TNS1: variants seen among roughly 807,000 people sequenced by gnomAD.
The protein encoded by TNS1 is tensin-1.
Under a neutral mutation model 168.6 loss-of-function variants are expected in TNS1, and 62 were observed. The ratio of observed to expected loss-of-function variants is 0.37; its 90% CI spans 0.30 to 0.45. The LOEUF is 0.45. Among genes scored for constraint, TNS1 ranks in the 20% least tolerant of loss-of-function variants. The probability of loss-of-function intolerance (pLI) is 1.00; values close to 1 mark genes in which losing one functional copy is unlikely to be tolerated. For missense variants in TNS1, 2,240 were observed against 2,339.4 expected, an observed-to-expected ratio of 0.96 and a Z score of 0.88; for synonymous variants, 934 against 933.2, an observed-to-expected ratio of 1.00 and a Z score of -0.02.
At chr2:217,953,214 C>T (rs947578847) in intron 3 of TNS1, among the ~76,000 whole-genome samples, 1 of 152,294 alleles carries the variant, frequency 6.6e-6, no homozygotes, top group African/African-American at 2.4e-5. Flanking sequence ...GCAGCACAGT[C>T]CTGCCCTCCA....
intron 18 of TNS1, among the ~76,000 whole-genome samples, chr2:217,867,905 T>C (rs1222929470): frequency 6.6e-6 from 1 of 152,262 alleles, no homozygotes; most frequent in African/African-American, 2.4e-5. Context: ...CAATCACCCT[T>C]ACTCTGCTCC....
rs1947280869 is a variant in TNS1, at chr2:217,850,265, G to C, written c.1430-1178C>G. ...CCAAGCCAACAGTCCCTGTGCCAGA[G>C]GGGACACGCTTTTCCTATGCTGGAG... On this transcript the variant is annotated intron_variant, in intron 18 of 32. Coordinates refer to ENST00000682258, the MANE Select transcript of TNS1 (RefSeq NM_001387777.1). 8.1e-6 allele frequency: 8 copies of C among 985,280 alleles called. No homozygotes were observed. The South Asian group carries it at 3.3e-4, about 41-fold the overall frequency. 61.0% of individuals were successfully genotyped at this position (985,280 alleles called of 1,614,324 possible).
Position 217,884,322 on chromosome 2 carries a change from AATGG to A in TNS1, c.1246+709_1246+712del, listed in dbSNP as rs367767487. The stretch of plus-strand genomic sequence containing the variant: ...AGATGGATGGACAGACGGATGGATG[AATGG>A]ATGGATGGATGGATGGATGTGTGTA... On this transcript the variant is annotated intron_variant, in intron 16 of 32. Transcript: ENST00000682258. Among the ~76,000 whole-genome samples the A allele has an allele frequency of 1.8e-3, 265 of 151,218 alleles. 4 individuals are homozygous for A. In the South Asian group the frequency reaches 0.042, roughly 24 times the overall value.
chr2:218,016,383 T>G (rs1178163118), intron 1 of TNS1, among the ~76,000 whole-genome samples: 1 of 151,918 alleles, frequency 6.6e-6, no homozygotes, highest in Non-Finnish European at 1.5e-5. Context: ...GATTATCAGG[T>G]CCCCGCCCAC....
intron 18 of TNS1, chr2:217,858,505 G>A: frequency 1.0e-6 from 1 of 986,028 alleles, no homozygotes; most frequent in Non-Finnish European, 1.2e-6. Context: ...CTGGAGGGAG[G>A]GAGGGAGAGG....
intron 30 of TNS1, 143 bp downstream of exon 30, chr2:217,809,680 G>T (rs1940454661): frequency 2.4e-6 from 2 of 838,000 alleles, no homozygotes; most frequent in African/African-American, 3.4e-5. Context: ...TAGATGGGAG[G>T]TAGATGCAAG....
chr2:217,940,751 C>T (rs531176648), intron 3 of TNS1, among the ~76,000 whole-genome samples: 3 of 152,258 alleles, frequency 2.0e-5, no homozygotes, highest in East Asian at 3.9e-4. Context: ...CAGGCATCCA[C>T]AGAGGGGCTG....
intron 1 of TNS1, among the ~76,000 whole-genome samples, chr2:217,992,849 C>A (rs951095557): frequency 1.3e-5 from 2 of 152,080 alleles, no homozygotes; most frequent in African/African-American, 4.8e-5. Context: ...CAGGAGCTCC[C>A]AAAGGCCAAA....
At chr2:217,809,522 TA>T (rs1940316667) in intron 30 of TNS1, among the ~76,000 whole-genome samples, 60 of 55,190 alleles carry the variant, frequency 1.1e-3, no homozygotes, top group Middle Eastern at 0.012. Context: ...GATGGATGGA[TA>T]GGTGCATGGA....
intron 11 of TNS1, 59 bp downstream of exon 11, chr2:217,892,889 A>C (rs1302088584): frequency 6.4e-7 from 1 of 1,562,292 alleles, no homozygotes; most frequent in Non-Finnish European, 8.8e-7. Context: ...TGGGTGGATG[A>C]GAGGAGGGGG....
Position 217,863,569 on chromosome 2 carries a change from T to TC in TNS1, c.1430-14483dup, listed in dbSNP as rs547394586. ...GAGCCTGGGGTGTAATAGACCGATC[T>TC]CCGAACTAAGACTCAAGAGTCTTGG... is the stretch of plus-strand genomic sequence containing the variant. On this transcript the variant is annotated intron_variant, in intron 18 of 32. Transcript: ENST00000682258. Among the ~76,000 whole-genome samples the TC allele has an allele frequency of 4.9e-4, 75 of 152,186 alleles. No homozygotes were observed. In the East Asian group the frequency reaches 9.3e-3, roughly 19 times the overall value.
At position 217,848,587 on chromosome 2, in the gene TNS1, G is replaced by A. The variant is rs1356442802; in HGVS notation, c.1930C>T (p.Leu644Phe). ...DGHSAGSMGT[L>F]SSLDGVTNTS... ...TTGGTGACCCCGTCCAGAGAAGAGA[G>A]TGTGCCCATGCTGCCCGCACTGTGA... The change falls in exon 19 of 33, where the codon CTC (leucine) becomes TTC (phenylalanine). Residue 644 changes from leucine (L) to phenylalanine (F), a missense_variant. Physicochemically the swap from Leu to Phe is conservative, Grantham distance 22. Around this residue, in one of 2 missense-constraint regions of TNS1, gnomAD observed 2,131 missense variants for 2,171.2 expected, o/e 0.98. Transcript: ENST00000682258. 1.2e-6 allele frequency: 2 copies of A among 1,614,202 alleles called. No homozygotes were observed. Among genetic ancestry groups the A allele is most frequent in the South Asian group, 1.1e-5 (1 of 91,084 alleles).
chr2:217,960,672 C>T (rs1957474194), intron 3 of TNS1, among the ~76,000 whole-genome samples: 1 of 152,176 alleles, frequency 6.6e-6, no homozygotes, highest in African/African-American at 2.4e-5. Context: ...CCCCGCCCAA[C>T]ACAACCATTT....
intron 18 of TNS1, chr2:217,858,612 A>T (rs1314099479): frequency 1.0e-6 from 1 of 982,436 alleles, no homozygotes; most frequent in Admixed American, 6.2e-5. Flanking sequence ...TCTGTGTCCT[A>T]CTCAAGCTCC....
At chr2:217,973,073 G>A (rs967027374) in intron 3 of TNS1, among the ~76,000 whole-genome samples, 1 of 152,162 alleles carries the variant, frequency 6.6e-6, no homozygotes, top group Admixed American at 6.5e-5. Context: ...TGGAAGGCAG[G>A]CAGGGTGTGG....
intron 3 of TNS1, among the ~76,000 whole-genome samples, chr2:217,930,975 C>T (rs1323017713): frequency 1.3e-5 from 2 of 152,104 alleles, no homozygotes; most frequent in African/African-American, 4.8e-5. Context: ...GGTCATGGTT[C>T]TAGTGGAACT....
In TNS1 at chr2:217,813,278, A is replaced by T. The variant is rs763673262; in HGVS notation, c.4891T>A (p.Phe1631Ile). 6.3e-7 allele frequency: 1 copy of T among 1,598,436 alleles called. No individual in the cohort carries two copies. The highest frequency in any genetic ancestry group is 8.5e-7 in the Non-Finnish European group (1 of 1,171,284). ...CCTCTGGGGCCAGTCTCTATCAGAA[A>T]ATGCCTGACCAGCTCATGGGTCATG... ...GDMTHELVRH[F>I]LIETGPRGVK... Residue 1631 changes from phenylalanine (F) to isoleucine (I), a missense_variant, in exon 27 of 33, where the codon TTT (phenylalanine) becomes ATT (isoleucine). This residue lies in a region of TNS1 where 2,131 missense variants were observed against 2,171.2 expected (regional missense o/e 0.98). Transcript: ENST00000682258. This position sits in a 1 kb window ranked among gnomAD's most constrained non-coding sequence, Gnocchi z 4.0.
chr2:217,831,348 C>T, intron 22 of TNS1, 107 bp downstream of exon 22: 1 of 1,003,588 alleles, frequency 1.0e-6, no homozygotes, highest in Non-Finnish European at 1.4e-6. Flanking sequence ...TCAGTGTGGG[C>T]ACAAAGCTGG....
In TNS1 at chr2:217,803,477, G is replaced by T. The variant is rs932638947; in HGVS notation, c.*982C>A. 6.6e-6 allele frequency: 1 copy of T among 152,404 alleles called. No homozygotes were observed. Among genetic ancestry groups the T allele is most frequent in the Non-Finnish European group, 1.5e-5 (1 of 68,098 alleles). The allele number at this position is 152,404 out of a possible 1,614,324, so 9.4% of individuals were successfully genotyped here. A position where few individuals can be genotyped will look rare whatever the true frequency, so the allele number is the denominator to read the frequency against. On this transcript the variant is annotated 3_prime_UTR_variant, in exon 33 of 33. Transcript: ENST00000682258. ...TTGCTGCTGAGCCACATGCCTTGGG[G>T]AAGACACCCCGAGCTCAACAGCTGC...
Sources: allele counts gnomAD v4.1 joint callset (sites outside exome capture counted in the v4.1 genomes callset), GRCh38; gene constraint gnomAD v4.1.1; regional missense constraint gnomAD v4.1.1; non-coding constraint Gnocchi (gnomAD v3.1); transcripts MANE v1.5; gene names NCBI Gene and HGNC (gene_info 2026-07-23, HGNC 2026-07-21).